The following COL11A1 variants were observed in gnomAD, a reference collection of about 807,000 sequenced individuals.
The protein encoded by COL11A1 is collagen type XI alpha 1 chain, also known as collagen alpha-1(XI) chain.
A neutral mutation model predicts 265.2 loss-of-function variants in COL11A1; 74 were observed. The ratio of observed to expected loss-of-function variants is 0.28; its 90% CI spans 0.23 to 0.34. The LOEUF (loss-of-function observed/expected upper bound fraction) is 0.34. COL11A1 is among the 10% of genes least tolerant of loss of function. The pLI is 1.00. For missense variants in COL11A1, 2,165 were observed against 2,263.6 expected (o/e 0.96, Z 0.88); for synonymous variants, 816 against 727.6 (o/e 1.12, Z -1.96).
chr1:103,042,478 C>G (rs1668887670), intron 4 of COL11A1, among the ~76,000 whole-genome samples: 1 of 152,054 alleles, frequency 6.6e-6, no homozygotes, highest in Admixed American at 6.6e-5. Flanking sequence ...ATTTCTGTCT[C>G]TTACTCTGTG....
chr1:102,982,249 G>C (rs1663109075), intron 31 of COL11A1, among the ~76,000 whole-genome samples: 1 of 151,928 alleles, frequency 6.6e-6, no homozygotes, highest in African/African-American at 2.4e-5. Context: ...GTTGCATTTT[G>C]TTAATAAAAA....
At chr1:103,005,345 G>T (rs1286556809) in intron 18 of COL11A1, among the ~76,000 whole-genome samples, 1 of 152,014 alleles carries the variant, frequency 6.6e-6, no homozygotes, top group Non-Finnish European at 1.5e-5. Flanking sequence ...CAGAATCATG[G>T]TTTCTTTAGC....
At chr1:103,100,053 A>T (rs1674122088) in intron 1 of COL11A1, 1 of 151,866 alleles carries the variant, frequency 6.6e-6, no homozygotes, top group Non-Finnish European at 1.5e-5. Flanking sequence ...GACACTGGGG[A>T]CACAAATAAA....
chr1:103,003,132 C>T, intron 21 of COL11A1, 83 bp downstream of exon 21: 1 of 1,399,884 alleles, frequency 7.1e-7, no homozygotes, highest in Non-Finnish European at 1.0e-6. Context: ...ACTCTTGGCT[C>T]TCTACTGAGG....
Position 103,078,793 on chromosome 1 carries a change from A to G in COL11A1, c.353T>C (p.Ile118Thr), listed in dbSNP as rs1261502451. The change falls in exon 3 of 67, where the codon ATA becomes ACA. Residue 118 changes from isoleucine (I) to threonine (T), a missense_variant. Transcript: ENST00000370096. The part of the protein sequence containing the change: ...KKGIQSFLLS[I>T]YNEHGIQQIG... Reference sequence around the variant, plus strand: ...TTGCTGAATACCATGCTCATTATATATAGATAAAAGGAAAGACTGAATTCC... The same window carrying G: ...TTGCTGAATACCATGCTCATTATATGTAGATAAAAGGAAAGACTGAATTCC... 11 of 1,612,660 alleles carry G rather than the reference A, an allele frequency of 6.8e-6. No individual in the cohort carries two copies. Among genetic ancestry groups the G allele is most frequent in the East Asian group, 2.2e-5 (1 of 44,832 alleles).
intron 54 of COL11A1, among the ~76,000 whole-genome samples, chr1:102,900,787 C>T (rs746638350): frequency 3.9e-5 from 6 of 152,136 alleles, no homozygotes; most frequent in Admixed American, 3.9e-4. Context: ...TAAATAATTT[C>T]TTCCTTCTGT....
chr1:103,008,425 G>A (rs1330555310), intron 15 of COL11A1, 38 bp downstream of exon 15: 6 of 1,547,166 alleles, frequency 3.9e-6, no homozygotes, highest in Non-Finnish European at 5.4e-6. Context: ...TATCAAAGAA[G>A]CCAGTCAAGA....
At chr1:103,095,557 C>T (rs542889623) in intron 1 of COL11A1, among the ~76,000 whole-genome samples, 2 of 151,958 alleles carry the variant, frequency 1.3e-5, no homozygotes, top group Non-Finnish European at 2.9e-5. Context: ...GTGCAAAGAA[C>T]CCGAGACAAT....
intron 42 of COL11A1, among the ~76,000 whole-genome samples, chr1:102,941,590 C>T (rs976241647): frequency 6.6e-6 from 1 of 152,180 alleles, no homozygotes; most frequent in Non-Finnish European, 1.5e-5. Context: ...CATGTCCATT[C>T]CTGTGACATT....
At chr1:103,020,223 T>G (rs1202742937) in intron 9 of COL11A1, among the ~76,000 whole-genome samples, 40 of 149,044 alleles carry the variant, frequency 2.7e-4, no homozygotes, top group African/African-American at 8.4e-4. Flanking sequence ...AAAGTGTTCC[T>G]ATTTCTCCAC....
intron 37 of COL11A1, among the ~76,000 whole-genome samples, chr1:102,969,906 AGAGT>A (rs1456178850): frequency 6.6e-6 from 1 of 152,120 alleles, no homozygotes; most frequent in East Asian, 1.9e-4. Context: ...TTCAGTGAAA[AGAGT>A]GAGAGGGAAA....
At chr1:102,957,112 C>T (rs1007166041) in intron 41 of COL11A1, among the ~76,000 whole-genome samples, 3 of 151,848 alleles carry the variant, frequency 2.0e-5, no homozygotes, top group African/African-American at 7.2e-5. Context: ...CAATGACATA[C>T]ACCTAGACCT....
intron 1 of COL11A1, among the ~76,000 whole-genome samples, chr1:103,092,503 C>A (rs533799347): frequency 6.6e-6 from 1 of 152,046 alleles, no homozygotes; most frequent in African/African-American, 2.4e-5. Flanking sequence ...ACACATGGCA[C>A]CATTCATAGT....
At chr1:103,081,596 A>C (rs1672417736) in intron 2 of COL11A1, among the ~76,000 whole-genome samples, 1 of 151,946 alleles carries the variant, frequency 6.6e-6, no homozygotes, top group Non-Finnish European at 1.5e-5. Flanking sequence ...GTGAACAATC[A>C]AAATAAATGT....
rs1293358122 is a variant in COL11A1, at chr1:102,970,282, C to G, written c.2809-10G>C. Reference sequence around the variant, plus strand: ...CCTTCCCAGGTGGTCCCTGAAATTACAAATATTAAATACCACATGTCATAA... The same window carrying G: ...CCTTCCCAGGTGGTCCCTGAAATTAGAAATATTAAATACCACATGTCATAA... On this transcript the variant is annotated splice_polypyrimidine_tract_variant and intron_variant, in intron 36 of 66. Coordinates refer to ENST00000370096, the MANE Select transcript of COL11A1 (RefSeq NM_001854.4). 6.2e-7 allele frequency: 1 copy of G among 1,604,796 alleles called. No individual in the cohort carries two copies. The highest frequency in any genetic ancestry group is 8.5e-7 in the Non-Finnish European group (1 of 1,172,560).
chr1:103,108,506 G>C lies in COL11A1; in HGVS notation c.-328C>G. 1 of 566,782 alleles carries C rather than the reference G, an allele frequency of 1.8e-6. No homozygotes were observed. The highest frequency in any genetic ancestry group is 2.4e-5 in the South Asian group (1 of 41,326). The allele number at this position is 566,782 out of a possible 1,614,324, so 35.1% of individuals were successfully genotyped here. ...GCTGAGAGTACTGTGTGCCCCTAAA[G>C]GCTTCATGCCGTCAGTGGGCTGGAC... On this transcript the variant is annotated 5_prime_UTR_variant, in exon 1 of 67. Transcript: ENST00000370096.
intron 46 of COL11A1, among the ~76,000 whole-genome samples, chr1:102,927,236 A>T (rs551976960): frequency 3.2e-4 from 49 of 152,310 alleles, no homozygotes; most frequent in Middle Eastern, 3.4e-3. Flanking sequence ...GACTTAATTT[A>T]CCATTTCTAA....
At chr1:103,015,822 G>A (rs1254332042) in intron 11 of COL11A1, 80 bp from the exon 12 acceptor site, 1 of 1,079,206 alleles carries the variant, frequency 9.3e-7, no homozygotes, top group Non-Finnish European at 1.4e-6. Flanking sequence ...TATAACGTAA[G>A]TCTACTTTAT....
intron 1 of COL11A1, among the ~76,000 whole-genome samples, chr1:103,102,328 T>A (rs1182331080): frequency 6.6e-6 from 1 of 152,110 alleles, no homozygotes; most frequent in Non-Finnish European, 1.5e-5. Context: ...TACTGAAAGC[T>A]ACACTGAAAA....
Sources: allele counts gnomAD v4.1 joint callset (sites outside exome capture counted in the v4.1 genomes callset), GRCh38; gene constraint gnomAD v4.1.1; transcripts MANE v1.5; gene names NCBI Gene and HGNC (gene_info 2026-07-23, HGNC 2026-07-21).